Variants in TENM3 observed in about 807,000 individuals in gnomAD.
TENM3 encodes the protein teneurin transmembrane protein 3, also known as teneurin-3.
TENM3 carries 63 observed loss-of-function variants against 255.1 expected under a neutral mutation model. The observed-to-expected ratio is 0.25, with a 90% CI of 0.20 to 0.30. TENM3 has a LOEUF of 0.30. Ranked by LOEUF, TENM3 falls within the 10% of genes least tolerant of loss-of-function variation. The probability of loss-of-function intolerance (pLI) is 1.00; values close to 1 mark genes in which losing one functional copy is unlikely to be tolerated. For missense variants in TENM3, 2,929 were observed against 3,461.1 expected, an observed-to-expected ratio of 0.85 and a Z score of 3.86; for synonymous variants, 1,306 against 1,322.3, an observed-to-expected ratio of 0.99 and a Z score of 0.27.
intron 3 of TENM3, among the ~76,000 whole-genome samples, chr4:182,575,283 A>G (rs936524726): frequency 5.3e-5 from 8 of 152,224 alleles, no homozygotes; most frequent in African/African-American, 1.7e-4. Flanking sequence ...CGAGTTTACA[A>G]TTGTCTCAAT....
At chr4:182,486,314 G>GGGGC (rs1734704569) in intron 3 of TENM3, among the ~76,000 whole-genome samples, 1 of 107,438 alleles carries the variant, frequency 9.3e-6, no homozygotes, top group Non-Finnish European at 2.2e-5. Context: ...TTAATTGTGT[G>GGGGC]TGGGGGGGAG....
the TENM3 span, among the ~76,000 whole-genome samples, chr4:181,923,713 G>T: frequency 6.6e-6 from 1 of 152,064 alleles, no homozygotes; most frequent in Non-Finnish European, 1.5e-5. Flanking sequence ...GTGAGTGAGT[G>T]GTTCAAAAGA....
the TENM3 span, among the ~76,000 whole-genome samples, chr4:181,593,644 C>A: frequency 6.6e-6 from 1 of 152,104 alleles, no homozygotes; most frequent in East Asian, 1.9e-4. Context: ...TATTGAAAAT[C>A]AGAAGAAACA....
At chr4:181,798,363 C>T in the TENM3 span, among the ~76,000 whole-genome samples, 2 of 151,916 alleles carry the variant, frequency 1.3e-5, no homozygotes, top group Non-Finnish European at 2.9e-5. Flanking sequence ...GGCTGAACTG[C>T]GGTGCTACAA....
chr4:181,731,469 A>T, the TENM3 span, among the ~76,000 whole-genome samples: 1 of 152,066 alleles, frequency 6.6e-6, no homozygotes, highest in Non-Finnish European at 1.5e-5. Context: ...CTCCTTCCTC[A>T]GCCTCCCGAG....
the TENM3 span, among the ~76,000 whole-genome samples, chr4:181,476,393 C>T: frequency 6.6e-6 from 1 of 152,056 alleles, no homozygotes; most frequent in South Asian, 2.1e-4. Flanking sequence ...GGGCAGGTTC[C>T]TCCCACCAGT....
chr4:181,717,584 G>A, the TENM3 span, among the ~76,000 whole-genome samples: 1 of 152,186 alleles, frequency 6.6e-6, no homozygotes, highest in Non-Finnish European at 1.5e-5. Context: ...TACGACACCA[G>A]TGGAAGTTAT....
chr4:181,553,109 G>C, the TENM3 span, among the ~76,000 whole-genome samples: 1 of 152,106 alleles, frequency 6.6e-6, no homozygotes, highest in African/African-American at 2.4e-5. Context: ...GAGTTATGTT[G>C]TTCCTTTCAT....
chr4:182,357,734 T>G (rs1765660846), intron 3 of TENM3, among the ~76,000 whole-genome samples: 1 of 150,112 alleles, frequency 6.7e-6, no homozygotes, highest in South Asian at 2.1e-4. Context: ...AGATCCCATT[T>G]GTCAATTTTG....
chr4:181,635,525 G>A, the TENM3 span, among the ~76,000 whole-genome samples: 1 of 152,212 alleles, frequency 6.6e-6, no homozygotes, highest in Admixed American at 6.5e-5. Context: ...AGTGGGGAGT[G>A]TGGGTTCCAC....
chr4:182,237,375 C>CTTTTT (rs57257112), intron 1 of TENM3, among the ~76,000 whole-genome samples: 5 of 148,120 alleles, frequency 3.4e-5, no homozygotes, highest in Non-Finnish European at 1.5e-5. Flanking sequence ...ATTCTGTTTT[C>CTTTTT]TTTTTTTTGA....
the TENM3 span, among the ~76,000 whole-genome samples, chr4:181,945,810 G>T: frequency 5.2e-3 from 792 of 152,168 alleles, 5 homozygotes; most frequent in Admixed American, 0.012. Flanking sequence ...GGTAACGAGG[G>T]TAATCAATTT....
At chr4:182,796,044 C>T (rs557899433) in intron 26 of TENM3, among the ~76,000 whole-genome samples, 1 of 152,316 alleles carries the variant, frequency 6.6e-6, no homozygotes, top group African/African-American at 2.4e-5. Flanking sequence ...TCCACCTGTG[C>T]ACAGTGAGCC....
intron 23 of TENM3, among the ~76,000 whole-genome samples, chr4:182,774,577 G>A (rs56138377): frequency 4.6e-5 from 7 of 152,044 alleles, no homozygotes; most frequent in East Asian, 1.9e-4. Flanking sequence ...TGTACACCGC[G>A]CTCCTGAGAG....
At chr4:181,534,692 C>T in the TENM3 span, among the ~76,000 whole-genome samples, 2 of 152,086 alleles carry the variant, frequency 1.3e-5, no homozygotes, top group Admixed American at 6.6e-5. Context: ...TGGCATTTAC[C>T]ACACAGTTTA....
intron 3 of TENM3, among the ~76,000 whole-genome samples, chr4:182,486,029 G>A (rs896456938): frequency 2.0e-5 from 3 of 152,026 alleles, no homozygotes; most frequent in Admixed American, 1.3e-4. Flanking sequence ...ATGTGGTGTC[G>A]GTTTTGCAGA....
intron 3 of TENM3, among the ~76,000 whole-genome samples, chr4:182,500,501 A>G (rs1032035111): frequency 6.6e-6 from 1 of 152,192 alleles, no homozygotes; most frequent in African/African-American, 2.4e-5. Flanking sequence ...TCACTGTCAT[A>G]TGCTTCTGAT....
At chr4:181,641,430 G>A in the TENM3 span, among the ~76,000 whole-genome samples, 7 of 150,206 alleles carry the variant, frequency 4.7e-5, no homozygotes, top group South Asian at 2.1e-4. Context: ...GAGAACATGC[G>A]GTGTTTGGTT....
the TENM3 span, among the ~76,000 whole-genome samples, chr4:182,055,040 C>T: frequency 6.6e-6 from 1 of 152,142 alleles, no homozygotes; most frequent in African/African-American, 2.4e-5. Flanking sequence ...GTAACATTTA[C>T]TTCCTTCCGT....
Sources: gnomAD v4.1 joint callset for allele counts (sites outside exome capture counted in the v4.1 genomes callset) on GRCh38, gnomAD v4.1.1 for gene constraint, MANE v1.5 for transcripts, NCBI Gene and HGNC (gene_info 2026-07-23, HGNC 2026-07-21) for gene names.